MAVS: variants seen among roughly 807,000 people sequenced by gnomAD.
The protein encoded by MAVS is mitochondrial antiviral signaling protein, also known as mitochondrial antiviral-signaling protein.
A neutral mutation model predicts 30.2 loss-of-function variants in MAVS; 20 were observed. That is an observed-to-expected ratio of 0.66 (90% confidence interval 0.47 to 0.96). The LOEUF (loss-of-function observed/expected upper bound fraction) is 0.96, where lower values mean the gene tolerates loss of function less well. Among genes scored for constraint, MAVS ranks in the 40% least tolerant of loss-of-function variants. The pLI is 0.00. For synonymous variants in MAVS, 278 were observed against 293.9 expected (o/e 0.95, Z 0.55); for missense variants, 624 against 701.1 (o/e 0.89, Z 1.24).
chr20:3,873,808 T>C lies in MAVS; in HGVS notation c.*7661T>C, dbSNP rs1039641313. The C allele has an allele frequency of 3.4e-6, 1 of 292,108 alleles. No homozygotes were observed. Among genetic ancestry groups the C allele is most frequent in the African/African-American group, 2.2e-5 (1 of 46,202 alleles). The allele number at this position is 292,108 out of a possible 1,614,324, so 18.1% of individuals were successfully genotyped here. On this transcript the variant is annotated 3_prime_UTR_variant, in exon 7 of 7. Transcript: ENST00000428216. Reference sequence around the variant, plus strand: ...AAATTACCCAGGCTAAGGTGTTTCATTGTAACCTGAATGGACCAAGCTGGT... The same window carrying C: ...AAATTACCCAGGCTAAGGTGTTTCACTGTAACCTGAATGGACCAAGCTGGT...
chr20:3,848,622 C>G (rs1279809412), intron 1 of MAVS, among the ~76,000 whole-genome samples: 1 of 152,166 alleles, frequency 6.6e-6, no homozygotes, highest in Non-Finnish European at 1.5e-5. Flanking sequence ...GGCCCAACAG[C>G]TTTTAGGTGC....
At chr20:3,860,068 C>T (rs371574680) in intron 3 of MAVS, among the ~76,000 whole-genome samples, 4 of 152,142 alleles carry the variant, frequency 2.6e-5, no homozygotes, top group Non-Finnish European at 4.4e-5. Context: ...CCACCCGCCT[C>T]GGCCTCCCAA....
chr20:3,862,167 C>CT (rs1427390209), intron 4 of MAVS, 87 bp from the exon 5 acceptor site: 4 of 1,486,078 alleles, frequency 2.7e-6, no homozygotes, highest in Non-Finnish European at 2.7e-6. Context: ...GGGCTGAGGC[C>CT]TATAGGAGAT....
rs370784217 is a variant in MAVS at position 3,866,220 on chromosome 20, T to C, written c.*73T>C. On this transcript the variant is annotated 3_prime_UTR_variant, in exon 7 of 7. Coordinates refer to ENST00000428216, the MANE Select transcript of MAVS (RefSeq NM_020746.5). ...ACACCTGGCCCCTCTCCGAAGCCCCTTGTCCCTTTCTTGGGGATTGTGGAG... is the reference window on the plus strand; with the variant it reads ...ACACCTGGCCCCTCTCCGAAGCCCCCTGTCCCTTTCTTGGGGATTGTGGAG... 88 of 1,376,572 alleles carry C rather than the reference T, an allele frequency of 6.4e-5. 2 individuals carry two copies. The East Asian group carries it at 1.0e-3, about 16-fold the overall frequency. The allele number at this position is 1,376,572 out of a possible 1,614,324, so 85.3% of individuals were successfully genotyped here. A position where few individuals can be genotyped will look rare whatever the true frequency, so the allele number is the denominator to read the frequency against.
chr20:3,860,188 A>C (rs2089854556), intron 3 of MAVS, among the ~76,000 whole-genome samples: 1 of 151,034 alleles, frequency 6.6e-6, no homozygotes, highest in Non-Finnish European at 1.5e-5. Flanking sequence ...CGGGGGGTGT[A>C]CCCAAGAGCA....
In MAVS at chr20:3,857,619, G is replaced by C. The variant is rs1398229039; in HGVS notation, c.118-16G>C. On this transcript the variant is annotated splice_polypyrimidine_tract_variant and intron_variant, in intron 2 of 6. Transcript: ENST00000428216. ...GCCACCTGGCTTGAGCAGGACAGTG[G>C]CATTGTGTCTTCCAGGATCGACTGC... is the stretch of plus-strand genomic sequence containing the variant. 6.2e-7 allele frequency: 1 copy of C among 1,600,932 alleles called. No homozygotes were observed. The highest frequency in any genetic ancestry group is 1.7e-5 in the Admixed American group (1 of 59,626).
rs2089963484 is a variant in MAVS at position 3,872,584 on chromosome 20, G to A, written c.*6437G>A. The A allele has an allele frequency of 1.3e-5, 2 of 152,456 alleles. No homozygotes were observed. The highest frequency in any genetic ancestry group is 2.1e-4 in the South Asian group (1 of 4,828). The allele number at this position is 152,456 out of a possible 1,614,324, so 9.4% of individuals were successfully genotyped here. A position where few individuals can be genotyped will look rare whatever the true frequency, so the allele number is the denominator to read the frequency against. On this transcript the variant is annotated 3_prime_UTR_variant, in exon 7 of 7. Coordinates refer to ENST00000428216, the MANE Select transcript of MAVS (RefSeq NM_020746.5). ...CAATATGATTACAACTATCACGTGTGTGCCCAGCCAGGCTCAATGCCCCAG... is the reference window on the plus strand; with the variant it reads ...CAATATGATTACAACTATCACGTGTATGCCCAGCCAGGCTCAATGCCCCAG...
rs541462063 is a variant in MAVS, at chr20:3,849,654, C to T, written c.-68+2751C>T. On this transcript the variant is annotated intron_variant, in intron 1 of 6. Coordinates refer to ENST00000428216, the MANE Select transcript of MAVS (RefSeq NM_020746.5). The stretch of plus-strand genomic sequence containing the variant: ...AGCCTGAGAACAGCTCAGCTGTGTT[C>T]TGCACGCTAGTTCAGAAAGGCTTCT... Among the ~76,000 whole-genome samples, 19 of 152,348 alleles carry T rather than the reference C, an allele frequency of 1.2e-4. No homozygotes were observed. The South Asian group carries it at 3.5e-3, about 28-fold the overall frequency.
At chr20:3,852,952 T>C (rs6052123) in intron 1 of MAVS, among the ~76,000 whole-genome samples, 71,312 of 148,676 alleles carry the variant, frequency 0.48, 17,886 homozygotes, top group East Asian at 0.79. Context: ...CAATTCTCTG[T>C]CTCAGCTTCC....
chr20:3,850,274 CAAAAAAAAAAA>C (rs71195864), intron 1 of MAVS, among the ~76,000 whole-genome samples: 2 of 44,456 alleles, frequency 4.5e-5, no homozygotes, highest in South Asian at 1.1e-3. Context: ...GAGACTGTCT[CAAAAAAAAAAA>C]AAAAAAAAAA....
intron 3 of MAVS, among the ~76,000 whole-genome samples, 154 bp from the exon 4 acceptor site, chr20:3,861,178 A>T (rs543924627): frequency 1.1e-4 from 17 of 151,876 alleles, no homozygotes; most frequent in Non-Finnish European, 1.8e-4. Flanking sequence ...TTGTATTTTT[A>T]GTAGAGATGG....
Position 3,872,378 on chromosome 20 carries a change from C to T in MAVS, c.*6231C>T, listed in dbSNP as rs1406085071. On this transcript the variant is annotated 3_prime_UTR_variant, in exon 7 of 7. Transcript: ENST00000428216. Reference sequence around the variant, plus strand: ...ACTTGAGCACAGGAGTTTGAAGTTACAGTGAGCTATGATGGCACCACTGCA... The same window carrying T: ...ACTTGAGCACAGGAGTTTGAAGTTATAGTGAGCTATGATGGCACCACTGCA... The T allele has an allele frequency of 6.6e-6, 1 of 152,248 alleles. No homozygotes were observed. Among genetic ancestry groups the T allele is most frequent in the Non-Finnish European group, 1.5e-5 (1 of 68,108 alleles). The allele number at this position is 152,248 out of a possible 1,614,324, so 9.4% of individuals were successfully genotyped here.
At chr20:3,856,353 ATTT>A (rs56232181) in intron 2 of MAVS, among the ~76,000 whole-genome samples, 2 of 101,428 alleles carry the variant, frequency 2.0e-5, no homozygotes, top group African/African-American at 4.2e-5. Flanking sequence ...TGCGCCCAGC[ATTT>A]TTTTTTTTTT....
At chr20:3,861,627 A>G in intron 4 of MAVS, 123 bp downstream of exon 4, 1 of 1,075,900 alleles carries the variant, frequency 9.3e-7, no homozygotes, top group Admixed American at 2.8e-5. Context: ...TCTGCTCAGA[A>G]CCCTAGGGCT....
chr20:3,854,895 T>TC (rs988062754), intron 2 of MAVS, among the ~76,000 whole-genome samples, 154 bp downstream of exon 2: 1 of 147,606 alleles, frequency 6.8e-6, no homozygotes, highest in African/African-American at 2.5e-5. Flanking sequence ...GCTTTTCTTT[T>TC]TTTTTTTTTT....
intron 1 of MAVS, among the ~76,000 whole-genome samples, chr20:3,852,011 C>CTTTTTTTTTTTTTTTTTT (rs1278577898): frequency 2.1e-5 from 1 of 47,250 alleles, no homozygotes; most frequent in African/African-American, 1.1e-4. Context: ...TTTTTTTCCC[C>CTTTTTTTTTTTTTTTTTT]CGAGACGGAA....
intron 2 of MAVS, 64 bp from the exon 3 acceptor site, chr20:3,857,571 T>C: frequency 6.5e-7 from 1 of 1,544,672 alleles, no homozygotes; most frequent in Non-Finnish European, 8.8e-7. Context: ...TGTGGCTTCA[T>C]TCTGGGTGGG....
intron 4 of MAVS, among the ~76,000 whole-genome samples, chr20:3,861,902 C>G (rs1568536588): frequency 6.6e-6 from 1 of 152,158 alleles, no homozygotes; most frequent in Non-Finnish European, 1.5e-5. Flanking sequence ...GCACCCACCA[C>G]CACGCCCAGC....
intron 5 of MAVS, among the ~76,000 whole-genome samples, chr20:3,863,550 A>G (rs1264066003): frequency 2.0e-5 from 3 of 152,168 alleles, no homozygotes; most frequent in Non-Finnish European, 4.4e-5. Context: ...CACAGGTCCC[A>G]TGAGATTCTG....
Sources: allele counts gnomAD v4.1 joint callset (sites outside exome capture counted in the v4.1 genomes callset), GRCh38; gene constraint gnomAD v4.1.1; transcripts MANE v1.5; gene names NCBI Gene and HGNC (gene_info 2026-07-23, HGNC 2026-07-21).